PCDHA11: variants seen among roughly 807,000 people sequenced by gnomAD.
PCDHA11 encodes the protein protocadherin alpha 11.
PCDHA11 carries 61 observed loss-of-function variants against 70.3 expected under a neutral mutation model. That is an observed-to-expected ratio of 0.87 (90% CI 0.71 to 1.07). The LOEUF (loss-of-function observed/expected upper bound fraction) is 1.07. Among genes scored for constraint, PCDHA11 ranks in the 50% least tolerant of loss-of-function variants. The pLI is 0.00. For missense variants in PCDHA11, 1,324 were observed against 1,237.5 expected (o/e 1.07, Z -1.05); for synonymous variants, 633 against 555.1 (o/e 1.14, Z -1.97).
chr5:140,941,251 CTT>C (rs1177440606), intron 1 of PCDHA11, among the ~76,000 whole-genome samples: 1 of 121,786 alleles, frequency 8.2e-6, no homozygotes, highest in African/African-American at 3.1e-5. Flanking sequence ...TTCTTTCTTT[CTT>C]TCTCTTTCTT....
rs376026810 is a variant in PCDHA11 at position 140,944,280 on chromosome 5, C to T, written c.2392-34669C>T. 2.0e-4 allele frequency among the ~76,000 whole-genome samples: 31 copies of T among 152,226 alleles called. 1 individual carries two copies. The South Asian group carries it at 2.9e-3, about 14-fold the overall frequency. Reference sequence around the variant, plus strand: ...ACTGCTCACTGCAGCCTTGACACCCCGGGCTCAAGCGATCCTCCTACCTCA... The same window carrying T: ...ACTGCTCACTGCAGCCTTGACACCCTGGGCTCAAGCGATCCTCCTACCTCA... On this transcript the variant is annotated intron_variant, in intron 1 of 3. Coordinates refer to ENST00000398640, the MANE Select transcript of PCDHA11 (RefSeq NM_018902.5).
At chr5:140,910,907 G>T (rs1554194477) in intron 1 of PCDHA11, among the ~76,000 whole-genome samples, 3 of 152,102 alleles carry the variant, frequency 2.0e-5, no homozygotes, top group Admixed American at 2.0e-4. Flanking sequence ...CTGTCCTCCA[G>T]ATTTTTGCTT....
intron 1 of PCDHA11, among the ~76,000 whole-genome samples, chr5:140,971,388 C>A (rs1554233283): frequency 6.6e-6 from 1 of 152,132 alleles, no homozygotes; most frequent in Non-Finnish European, 1.5e-5. Flanking sequence ...TTAATAAAGG[C>A]AAATTTCTGC....
intron 1 of PCDHA11, chr5:140,929,505 C>A: frequency 1.2e-6 from 1 of 840,606 alleles, no homozygotes; most frequent in Non-Finnish European, 1.7e-6. Flanking sequence ...TGCCCTAGGC[C>A]TCAAGGGACT....
chr5:140,998,809 C>T (rs782698811), intron 3 of PCDHA11, among the ~76,000 whole-genome samples: 14 of 152,212 alleles, frequency 9.2e-5, no homozygotes, highest in Non-Finnish European at 1.9e-4. Context: ...GGTGATCTGC[C>T]TGCCTTGGCC....
At position 140,870,853 on chromosome 5, in the gene PCDHA11, G is replaced by C. The variant is rs1554164757; in HGVS notation, c.1750G>C (p.Val584Leu). ...GAVNKLVPRS[V>L]GAGHVVAKVR... ...AGTTAACAAGCTAGTACCGCGGTCG[G>C]TGGGTGCGGGCCACGTGGTGGCGAA... Residue 584 changes from valine to leucine, a missense_variant, in exon 1 of 4, where the codon GTG (valine) becomes CTG (leucine). Val to Leu is a conservative substitution (Grantham distance 32). Transcript: ENST00000398640. 2 of 1,613,888 alleles carry C rather than the reference G, an allele frequency of 1.2e-6. No individual in the cohort carries two copies. The highest frequency in any genetic ancestry group is 2.2e-5 in the South Asian group (2 of 91,076).
chr5:140,946,163 T>C (rs1345991689), intron 1 of PCDHA11, among the ~76,000 whole-genome samples: 1 of 151,884 alleles, frequency 6.6e-6, no homozygotes, highest in African/African-American at 2.4e-5. Flanking sequence ...ATTTAAAAGA[T>C]GGGTAAAGGA....
In PCDHA11 at chr5:141,011,207, G is replaced by A. The variant is rs79928365; in HGVS notation, c.*1270G>A. On this transcript the variant is annotated 3_prime_UTR_variant, in exon 4 of 4. Coordinates refer to ENST00000398640, the MANE Select transcript of PCDHA11 (RefSeq NM_018902.5). Reference sequence around the variant, plus strand: ...GAAAAATATTGTTTTCTCATACAGTGAGCAGATTTTTCAATCTACTAATTC... The same window carrying A: ...GAAAAATATTGTTTTCTCATACAGTAAGCAGATTTTTCAATCTACTAATTC... 325 of 153,804 alleles carry A rather than the reference G, an allele frequency of 2.1e-3. 2 individuals are homozygous for A. The highest frequency in any genetic ancestry group is 7.1e-3 in the African/African-American group (293 of 41,546). 9.5% of individuals were successfully genotyped at this position (153,804 alleles called of 1,614,324 possible). A position where few individuals can be genotyped will look rare whatever the true frequency, so the allele number is the denominator to read the frequency against.
At chr5:140,927,118 G>A in intron 1 of PCDHA11, 2 of 1,613,946 alleles carry the variant, frequency 1.2e-6, no homozygotes, top group Non-Finnish European at 1.7e-6. Context: ...CGGCAATTTG[G>A]TGGTCAGAGA....
intron 1 of PCDHA11, chr5:140,928,687 C>A (rs782599747): frequency 6.2e-7 from 1 of 1,614,142 alleles, no homozygotes. Context: ...GCTTTCCTAC[C>A]ACATCTCCCG....
At chr5:140,927,720 G>C (rs782475238) in intron 1 of PCDHA11, 8 of 1,614,056 alleles carry the variant, frequency 5.0e-6, no homozygotes, top group Non-Finnish European at 6.8e-6. Flanking sequence ...GCAACAGCAC[G>C]CAAGCAGAGC....
chr5:140,991,844 C>T (rs892318388), intron 3 of PCDHA11, among the ~76,000 whole-genome samples: 2 of 152,334 alleles, frequency 1.3e-5, no homozygotes, highest in Middle Eastern at 6.8e-3. Flanking sequence ...AACCGCACTT[C>T]CAGATACCAA....
At chr5:140,971,221 G>A (rs1234658755) in intron 1 of PCDHA11, among the ~76,000 whole-genome samples, 1 of 152,082 alleles carries the variant, frequency 6.6e-6, no homozygotes, top group East Asian at 1.9e-4. Flanking sequence ...TCCCTCTCCT[G>A]ACTCAAAGCT....
chr5:140,968,383 T>C, intron 1 of PCDHA11: 1 of 1,614,044 alleles, frequency 6.2e-7, no homozygotes. Context: ...CCTTTGACTA[T>C]GAGAAGTTTC....
intron 3 of PCDHA11, among the ~76,000 whole-genome samples, chr5:141,000,587 C>A (rs181671847): frequency 0.01 from 1,575 of 150,790 alleles, 20 homozygotes; most frequent in Non-Finnish European, 0.016. Context: ...GCCACCATGC[C>A]CAGCTAATTT....
intron 1 of PCDHA11, among the ~76,000 whole-genome samples, chr5:140,875,022 C>T (rs1267699693): frequency 6.6e-6 from 1 of 152,116 alleles, no homozygotes; most frequent in Non-Finnish European, 1.5e-5. Context: ...TAGGTTCTGG[C>T]CTACTGTATT....
intron 3 of PCDHA11, among the ~76,000 whole-genome samples, chr5:141,000,419 A>G (rs1394449061): frequency 1.6e-5 from 1 of 61,008 alleles, no homozygotes; most frequent in African/African-American, 7.6e-5. Flanking sequence ...ATATATATAT[A>G]TATTTTTTTT....
chr5:140,928,572 C>T, intron 1 of PCDHA11: 1 of 1,614,200 alleles, frequency 6.2e-7, no homozygotes, highest in Non-Finnish European at 8.5e-7. Flanking sequence ...TTCCCTTGCC[C>T]AGAAATGGTT....
At chr5:140,923,043 T>C (rs1274355780) in intron 1 of PCDHA11, among the ~76,000 whole-genome samples, 2 of 152,228 alleles carry the variant, frequency 1.3e-5, no homozygotes, top group Non-Finnish European at 1.5e-5. Context: ...ACATGTATAG[T>C]ATTTAGAATA....
Sources: allele counts gnomAD v4.1 joint callset (sites outside exome capture counted in the v4.1 genomes callset), GRCh38; gene constraint gnomAD v4.1.1; transcripts MANE v1.5; gene names NCBI Gene and HGNC (gene_info 2026-07-23, HGNC 2026-07-21).